Variants in RFC1 observed in about 807,000 individuals in gnomAD.
RFC1 encodes replication factor C subunit 1, also known as A1 140 kDa subunit.
RFC1 carries 37 observed loss-of-function variants against 137.4 expected under a neutral mutation model. That is an observed-to-expected ratio of 0.27 (90% confidence interval 0.21 to 0.35). The LOEUF is 0.35. Among genes scored for constraint, RFC1 ranks in the 10% least tolerant of loss-of-function variants. The probability of loss-of-function intolerance (pLI) is 1.00; values close to 1 mark genes in which losing one functional copy is unlikely to be tolerated. For synonymous variants in RFC1, 429 were observed against 455.7 expected, an observed-to-expected ratio of 0.94 and a Z score of 0.75; for missense variants, 1,205 against 1,358.5, an observed-to-expected ratio of 0.89 and a Z score of 1.78.
intron 4 of RFC1, among the ~76,000 whole-genome samples, chr4:39,333,089 T>C (rs1160772700): frequency 6.6e-6 from 1 of 152,230 alleles, no homozygotes; most frequent in Non-Finnish European, 1.5e-5. Flanking sequence ...ACTAAAATTC[T>C]AACCTAAGTT....
chr4:39,295,656 T>C lies in RFC1; in HGVS notation c.2912A>G (p.His971Arg). Residue 971 changes from histidine (H) to arginine (R), a missense_variant, in exon 22 of 25, where the codon CAT (histidine) becomes CGT (arginine). Coordinates refer to ENST00000349703, the MANE Select transcript of RFC1 (RefSeq NM_002913.5). ...WLGKHSSTGK[H>R]DRIVQDLALH... ...GGCCAGGTCCTGAACAATACGATCA[T>C]GTTTGCCTGTAGACGAGTGCTTCCC... The C allele has an allele frequency of 6.2e-7, 1 of 1,613,660 alleles. No individual in the cohort carries two copies. Among genetic ancestry groups the C allele is most frequent in the East Asian group, 2.2e-5 (1 of 44,870 alleles).
chr4:39,300,263 G>A lies in RFC1; in HGVS notation c.2687C>T (p.Ala896Val). The A allele has an allele frequency of 5.6e-6, 9 of 1,614,118 alleles. No individual in the cohort carries two copies. Among genetic ancestry groups the A allele is most frequent in the Non-Finnish European group, 7.6e-6 (9 of 1,179,988 alleles). ...CTCACCAGCTCTGGACACTCACCCT[G>A]CTGCTACAGGCTTCACGTGTATGTA... ...ENYIHVKPVA[A>V]GGDMKKHLML... Residue 896 changes from alanine to valine, a missense_variant, in exon 20 of 25, where the codon GCA (alanine) becomes GTA (valine). By Grantham distance (64) the Ala-to-Val change is moderately conservative (BLOSUM62 0). This residue lies in a region of RFC1 where 237 missense variants were observed against 304.2 expected (regional missense o/e 0.78). Coordinates refer to ENST00000349703, the MANE Select transcript of RFC1 (RefSeq NM_002913.5).
chr4:39,302,653 T>A (rs1361752555), intron 17 of RFC1, 58 bp from the exon 18 acceptor site: 11 of 1,496,716 alleles, frequency 7.3e-6, no homozygotes, highest in South Asian at 2.5e-5. Flanking sequence ...TCAGGTATTT[T>A]AAAAATATTT....
chr4:39,291,903 T>G, intron 22 of RFC1, 51 bp from the exon 23 acceptor site: 1 of 1,324,368 alleles, frequency 7.6e-7, no homozygotes, highest in South Asian at 1.2e-5. Flanking sequence ...TCAACTCAAG[T>G]CATACTGTGC....
intron 3 of RFC1, among the ~76,000 whole-genome samples, chr4:39,344,716 T>C (rs564949502): frequency 6.6e-6 from 1 of 152,148 alleles, no homozygotes; most frequent in South Asian, 2.1e-4. Context: ...ACCTGGGAGG[T>C]AGAGGTTGCA....
chr4:39,309,050 T>G lies in RFC1; in HGVS notation c.1489-18A>C, dbSNP rs1449943579. ...TTCTTCATCTTAAGAAGTGGAAAAATGAGGAAAAAAGAAACCTGATGAAAC... is the reference window on the plus strand; with the variant it reads ...TTCTTCATCTTAAGAAGTGGAAAAAGGAGGAAAAAAGAAACCTGATGAAAC... On this transcript the variant is annotated intron_variant, in intron 12 of 24. Transcript: ENST00000349703. 19 of 1,570,174 alleles carry G rather than the reference T, an allele frequency of 1.2e-5. No homozygotes were observed. The highest frequency in any genetic ancestry group is 1.6e-5 in the Non-Finnish European group (19 of 1,166,308).
chr4:39,307,185 C>CTAAATGT (rs1183505228), intron 13 of RFC1, among the ~76,000 whole-genome samples: 1 of 152,184 alleles, frequency 6.6e-6, no homozygotes, highest in Non-Finnish European at 1.5e-5. Flanking sequence ...GCAAGCTTCA[C>CTAAATGT]TAAATGTTAA....
chr4:39,361,053 A>C (rs928830016), intron 1 of RFC1, among the ~76,000 whole-genome samples: 5 of 152,208 alleles, frequency 3.3e-5, no homozygotes, highest in Non-Finnish European at 7.3e-5. Flanking sequence ...ATATATAATG[A>C]TTTAACTGGT....
chr4:39,344,887 C>A (rs1033005690), intron 3 of RFC1, among the ~76,000 whole-genome samples: 1 of 152,162 alleles, frequency 6.6e-6, no homozygotes, highest in Non-Finnish European at 1.5e-5. Flanking sequence ...TTAATACAAA[C>A]ATATTTTGGT....
At chr4:39,342,576 C>G in intron 3 of RFC1, 109 bp from the exon 4 acceptor site, 2 of 1,061,372 alleles carry the variant, frequency 1.9e-6, no homozygotes, top group Non-Finnish European at 2.7e-6. Context: ...TTTCAAGGCA[C>G]ATGTCTTCTG....
chr4:39,291,147 GT>G (rs1439980184), intron 23 of RFC1, among the ~76,000 whole-genome samples: 1 of 152,090 alleles, frequency 6.6e-6, no homozygotes, highest in African/African-American at 2.4e-5. Flanking sequence ...TATCACTTTA[GT>G]TTTTTTCGTC....
intron 4 of RFC1, among the ~76,000 whole-genome samples, chr4:39,337,240 G>A (rs564767671): frequency 8.5e-5 from 13 of 152,250 alleles, no homozygotes; most frequent in African/African-American, 2.6e-4. Context: ...CAGGCATGGC[G>A]GTGCACGCCT....
At chr4:39,294,821 G>A (rs1326685807) in intron 22 of RFC1, among the ~76,000 whole-genome samples, 1 of 152,168 alleles carries the variant, frequency 6.6e-6, no homozygotes, top group Non-Finnish European at 1.5e-5. Flanking sequence ...TGGGCAACAC[G>A]ATGAAACCCC....
At chr4:39,289,604 T>C in intron 24 of RFC1, 2 of 419,954 alleles carry the variant, frequency 4.8e-6, no homozygotes. Context: ...AATGGTACTT[T>C]TTCTAACAGA....
At chr4:39,366,096 G>T in intron 1 of RFC1, 143 bp downstream of exon 1, 2 of 875,476 alleles carry the variant, frequency 2.3e-6, no homozygotes, top group Non-Finnish European at 3.3e-6. Flanking sequence ...TGCCCGGTGT[G>T]CGGCCCCTTC....
intron 1 of RFC1, among the ~76,000 whole-genome samples, chr4:39,352,115 G>C (rs1166493574): frequency 1.3e-5 from 2 of 151,972 alleles, no homozygotes; most frequent in Non-Finnish European, 2.9e-5. Context: ...ACTTATTATT[G>C]ATCATACATG....
chr4:39,352,306 T>C (rs558710251), intron 1 of RFC1, among the ~76,000 whole-genome samples: 12 of 152,254 alleles, frequency 7.9e-5, no homozygotes, highest in Middle Eastern at 3.4e-3. Context: ...TTCAACATCC[T>C]GAAGAAAAAA....
At chr4:39,348,428 A>AAGGAAAGGAAAGGAAAGGAAAG (rs1491335995) in intron 2 of RFC1, among the ~76,000 whole-genome samples, 1 of 37,966 alleles carries the variant, frequency 2.6e-5, no homozygotes, top group Non-Finnish European at 6.5e-5. Context: ...GTTTCAAAAA[A>AAGGAAAGGAAAGGAAAGGAAAG]GAAAAGAAAA....
intron 9 of RFC1, among the ~76,000 whole-genome samples, chr4:39,318,785 T>C (rs369790742): frequency 3.3e-5 from 5 of 152,364 alleles, no homozygotes; most frequent in East Asian, 3.9e-4. Flanking sequence ...TTTATAAGCA[T>C]TGTCCACAAA....
Sources: allele counts gnomAD v4.1 joint callset (sites outside exome capture counted in the v4.1 genomes callset), GRCh38; gene constraint gnomAD v4.1.1; regional missense constraint gnomAD v4.1.1; transcripts MANE v1.5; gene names NCBI Gene and HGNC (gene_info 2026-07-23, HGNC 2026-07-21).